KRT3: variants seen among roughly 807,000 people sequenced by gnomAD.
The protein encoded by KRT3 is keratin, type II cytoskeletal 3.
A neutral mutation model predicts 45.8 loss-of-function variants in KRT3; 34 were observed. The ratio of observed to expected loss-of-function variants is 0.74; its 90% CI spans 0.57 to 0.99. The LOEUF (loss-of-function observed/expected upper bound fraction) is 0.99, where lower values mean the gene tolerates loss of function less well. Among genes scored for constraint, KRT3 ranks in the 50% least tolerant of loss-of-function variants. The probability of loss-of-function intolerance (pLI) is 0.00; values close to 1 mark genes in which losing one functional copy is unlikely to be tolerated. For missense variants in KRT3, 828 were observed against 820.6 expected (o/e 1.01, Z -0.11); for synonymous variants, 367 against 329.0 (o/e 1.12, Z -1.25).
rs115198338 is a variant in KRT3 at position 52,792,535 on chromosome 12, G to A, written c.1024-132C>T. 1.3e-3 allele frequency: 1,354 copies of A among 1,034,258 alleles called. 17 individuals carry two copies. The African/African-American group carries it at 0.018, about 14-fold the overall frequency. 64.1% of individuals were successfully genotyped at this position (1,034,258 alleles called of 1,614,324 possible). A position where few individuals can be genotyped will look rare whatever the true frequency, so the allele number is the denominator to read the frequency against. ...CATGTGTATCAGCCACACCCTGTCC[G>A]CAGCCACTCAGAGAACCCCATGTCT... On this transcript the variant is annotated intron_variant, in intron 4 of 8. Coordinates refer to ENST00000417996, the MANE Select transcript of KRT3 (RefSeq NM_057088.3).
At chr12:52,793,704 T>C (rs1419833534) in intron 2 of KRT3, among the ~76,000 whole-genome samples, 1 of 152,106 alleles carries the variant, frequency 6.6e-6, no homozygotes, top group African/African-American at 2.4e-5. Context: ...AAATTCTGTT[T>C]CCTCAGCCAC....
rs776677223 is a variant in KRT3, at chr12:52,795,589, GCCCACCAAAGCCACCAGA to G, written c.436_453del (p.Ser146_Gly151del). On this transcript the variant is annotated inframe_deletion, in exon 1 of 9. Coordinates refer to ENST00000417996, the MANE Select transcript of KRT3 (RefSeq NM_057088.3). The stretch of plus-strand genomic sequence containing the variant: ...CCACCAGGACTGCCCAAGCTGCCAG[GCCCACCAAAGCCACCAGA>G]CCCACCAAAGCCACCAGGACCACCA... The G allele has an allele frequency of 1.7e-5, 28 of 1,601,576 alleles. No individual in the cohort carries two copies. Among genetic ancestry groups the G allele is most frequent in the East Asian group, 2.3e-5 (1 of 44,300 alleles).
rs1939444864 is a variant in KRT3 at position 52,789,931 on chromosome 12, G to T, written c.*111C>A. The T allele has an allele frequency of 1.6e-5, 18 of 1,150,940 alleles. No individual in the cohort carries two copies. The highest frequency in any genetic ancestry group is 2.0e-5 in the Non-Finnish European group (16 of 797,966). The allele number at this position is 1,150,940 out of a possible 1,614,324, so 71.3% of individuals were successfully genotyped here. On this transcript the variant is annotated 3_prime_UTR_variant, in exon 9 of 9. Transcript: ENST00000417996. ...AGCAAGAGGCCACAAGCCTTCCAGC[G>T]CAGAGCCGCGTTCTTGGGGAGCATG...
At chr12:52,790,609 T>C (rs919442660) in intron 8 of KRT3, among the ~76,000 whole-genome samples, 2 of 152,130 alleles carry the variant, frequency 1.3e-5, no homozygotes, top group East Asian at 1.9e-4. Context: ...GCGTCTGAAT[T>C]TATCCTCCTA....
rs1592299941 is a variant in KRT3 at position 52,789,888 on chromosome 12, C to G, written c.*154G>C. ...TGAAATTCTCGTGACTGGGCTTGGC[C>G]GGGGATCTGGAAGGAGGAGCAAGAG... On this transcript the variant is annotated 3_prime_UTR_variant, in exon 9 of 9. Coordinates refer to ENST00000417996, the MANE Select transcript of KRT3 (RefSeq NM_057088.3). The G allele has an allele frequency of 3.8e-5, 29 of 769,768 alleles. No homozygotes were observed. The South Asian group carries it at 4.7e-4, about 12-fold the overall frequency. The allele number at this position is 769,768 out of a possible 1,614,324, so 47.7% of individuals were successfully genotyped here.
At chr12:52,790,639 A>T (rs1939470091) in intron 8 of KRT3, among the ~76,000 whole-genome samples, 199 bp downstream of exon 8, 1 of 152,156 alleles carries the variant, frequency 6.6e-6, no homozygotes, top group Non-Finnish European at 1.5e-5. Flanking sequence ...CCCCTGTTGG[A>T]TATTCCACAT....
chr12:52,792,660 T>C (rs1939548378), intron 4 of KRT3, 51 bp downstream of exon 4: 3 of 1,364,086 alleles, frequency 2.2e-6, no homozygotes, highest in Admixed American at 3.4e-5. Context: ...GCCTCAAATC[T>C]GGAAACACCT....
chr12:52,789,768 C>G lies in KRT3; in HGVS notation c.*274G>C. The G allele has an allele frequency of 1.7e-6, 1 of 597,874 alleles. No individual in the cohort carries two copies. Among genetic ancestry groups the G allele is most frequent in the Non-Finnish European group, 3.0e-6 (1 of 336,552 alleles). 37.0% of individuals were successfully genotyped at this position (597,874 alleles called of 1,614,324 possible). A position where few individuals can be genotyped will look rare whatever the true frequency, so the allele number is the denominator to read the frequency against. On this transcript the variant is annotated 3_prime_UTR_variant, in exon 9 of 9. Coordinates refer to ENST00000417996, the MANE Select transcript of KRT3 (RefSeq NM_057088.3). ...TATACATCAGAGCTGTAGTGAGCAT[C>G]CCACCCAGGGAGGGGACTCCGGGGC... is the stretch of plus-strand genomic sequence containing the variant.
rs1939504925 is a variant in KRT3 at position 52,791,600 on chromosome 12, T to C, written c.1314+91A>G. 4 of 1,560,780 alleles carry C rather than the reference T, an allele frequency of 2.6e-6. No homozygotes were observed. The Admixed American group carries it at 6.8e-5, about 27-fold the overall frequency. On this transcript the variant is annotated intron_variant, in intron 6 of 8. Transcript: ENST00000417996. The stretch of plus-strand genomic sequence containing the variant: ...GTGGGTCAGCCAGCCTGAGATGACC[T>C]CCAGACGTCTATTCCAGGGGAGGAG...
Position 52,794,230 on chromosome 12 carries a change from A to C in KRT3, c.747T>G (p.Pro249=), listed in dbSNP as rs1939589589. The change falls in exon 2 of 9, where the codon CCT becomes CCG. Residue 249 remains proline, a synonymous_variant. Transcript: ENST00000417996. The stretch of plus-strand genomic sequence containing the variant: ...GGTAGTTGATGTGATTCTCAAAAAG[A>C]GGCTCAAGGTTGTTTGTGCCTGAGA... ...SSISGTNNLE[P]LFENHINYLR... is the part of the protein sequence containing the mutation. 3 of 1,614,174 alleles carry C rather than the reference A, an allele frequency of 1.9e-6. No individual in the cohort carries two copies. Among genetic ancestry groups the C allele is most frequent in the Non-Finnish European group, 2.5e-6 (3 of 1,180,004 alleles).
In KRT3 at chr12:52,795,785, G is replaced by A; in HGVS notation, c.258C>T (p.Ser86=). 1 of 1,614,034 alleles carries A rather than the reference G, an allele frequency of 6.2e-7. No homozygotes were observed. The highest frequency in any genetic ancestry group is 1.1e-5 in the South Asian group (1 of 91,082). Residue 86 remains serine, a synonymous_variant, in exon 1 of 9, where the codon AGC becomes AGT. Transcript: ENST00000417996. ...RAGGFGGGRS[S]CAFAGGYGGG... is the part of the protein sequence containing the mutation. ...CTCCATAGCCACCTGCAAAGGCACA[G>A]CTGCTCCGCCCTCCCCCAAAGCCTC...
At position 52,795,924 on chromosome 12, in the gene KRT3, C is replaced by G. The variant is rs928474636; in HGVS notation, c.119G>C (p.Gly40Ala). ...TCCGCTCCGGAAGCCATAGGCCCCT[C>G]CGCCAGCTCCCCCAGAGTGGGCCAC... is the stretch of plus-strand genomic sequence containing the variant. ...SCVAHSGGAG[G>A]GAYGFRSGAG... is the part of the protein sequence containing the mutation. Residue 40 changes from glycine (G) to alanine (A), a missense_variant, in exon 1 of 9, where the codon GGA becomes GCA. By Grantham distance (60) the Gly-to-Ala change is moderately conservative. Transcript: ENST00000417996. The G allele has an allele frequency of 1.2e-6, 2 of 1,614,156 alleles. No individual in the cohort carries two copies. The highest frequency in any genetic ancestry group is 1.7e-6 in the Non-Finnish European group (2 of 1,180,004).
At chr12:52,790,487 A>G in intron 8 of KRT3, 129 bp from the exon 9 acceptor site, 1 of 921,272 alleles carries the variant, frequency 1.1e-6, no homozygotes, top group Non-Finnish European at 1.6e-6. Context: ...GATGTTCACC[A>G]CGAGCCGTTC....
At chr12:52,791,600 T>G (rs1939504925) in intron 6 of KRT3, 91 bp downstream of exon 6, 1 of 1,560,780 alleles carries the variant, frequency 6.4e-7, no homozygotes, top group East Asian at 2.3e-5. Context: ...TGAGATGACC[T>G]CCAGACGTCT....
Position 52,791,371 on chromosome 12 carries a change from A to C in KRT3, c.1370T>G (p.Leu457Arg). The change falls in exon 7 of 9, where the codon CTC becomes CGC. Residue 457 changes from leucine to arginine, a missense_variant. By Grantham distance (102) the Leu-to-Arg change is moderately radical (BLOSUM62 -2). Coordinates refer to ENST00000417996, the MANE Select transcript of KRT3 (RefSeq NM_057088.3). The stretch of plus-strand genomic sequence containing the variant: ...TTGGAGCTTGGCATTGGCATCCTTG[A>C]GGGCCATCTCTCCATGCTGCTCGGC... ...AEAEQHGEMA[L>R]KDANAKLQEL... is the part of the protein sequence containing the mutation. 1 of 1,614,180 alleles carries C rather than the reference A, an allele frequency of 6.2e-7. No homozygotes were observed. The highest frequency in any genetic ancestry group is 8.5e-7 in the Non-Finnish European group (1 of 1,180,018).
rs1264302569 is a variant in KRT3, at chr12:52,792,246, T to C, written c.1181A>G (p.Gln394Arg). The change falls in exon 5 of 9, where the codon CAG becomes CGG. Residue 394 changes from glutamine to arginine, a missense_variant. Coordinates refer to ENST00000417996, the MANE Select transcript of KRT3 (RefSeq NM_057088.3). ...RSKAEAEALYQTKLGELQTTA... is the reference protein window; with the variant it reads ...RSKAEAEALYRTKLGELQTTA... ...GAGGTGACTAGCACCCACCTTGGTC[T>C]GGTACAGGGCCTCAGCTTCGGCCTT... The C allele has an allele frequency of 6.2e-7, 1 of 1,613,998 alleles. No individual in the cohort carries two copies. The highest frequency in any genetic ancestry group is 1.7e-5 in the Admixed American group (1 of 60,006).
At chr12:52,790,671 A>C (rs1037375946) in intron 8 of KRT3, among the ~76,000 whole-genome samples, 167 bp downstream of exon 8, 3 of 152,212 alleles carry the variant, frequency 2.0e-5, no homozygotes, top group Admixed American at 6.5e-5. Flanking sequence ...GCCTATTAAA[A>C]GTGCCCTGAA....
chr12:52,790,362 T>C lies in KRT3; in HGVS notation c.1571-4A>G, dbSNP rs746979323. 41 of 1,593,574 alleles carry C rather than the reference T, an allele frequency of 2.6e-5. No individual in the cohort carries two copies. The Admixed American group carries it at 4.4e-4, about 17-fold the overall frequency. The stretch of plus-strand genomic sequence containing the variant: ...GTCGTGCTGCTGCTGACCACGGCTG[T>C]GGGGGAGAGGACAGGACAGCGATCA... On this transcript the variant is annotated splice_region_variant and splice_polypyrimidine_tract_variant and intron_variant, in intron 8 of 8. Coordinates refer to ENST00000417996, the MANE Select transcript of KRT3 (RefSeq NM_057088.3).
intron 4 of KRT3, 91 bp downstream of exon 4, chr12:52,792,620 C>T: frequency 9.6e-7 from 1 of 1,046,236 alleles, no homozygotes. Flanking sequence ...TTCCAGATGT[C>T]TTCTGGGGCC....
Sources: allele counts gnomAD v4.1 joint callset (sites outside exome capture counted in the v4.1 genomes callset), GRCh38; gene constraint gnomAD v4.1.1; transcripts MANE v1.5; gene names NCBI Gene and HGNC (gene_info 2026-07-23, HGNC 2026-07-21).